ALKAL1: variants seen among roughly 807,000 people sequenced by gnomAD.
ALKAL1 encodes the protein AUG-beta.
Under a neutral mutation model 13.5 loss-of-function variants are expected in ALKAL1, and 23 were observed. The ratio of observed to expected loss-of-function variants is 1.70; its 90% CI spans 1.23 to 2.41. ALKAL1 has a LOEUF of 2.41. ALKAL1 is among the 30% of genes most tolerant of loss of function. ALKAL1 has a pLI of 0.00. For missense variants in ALKAL1, 181 were observed against 178.4 expected, an observed-to-expected ratio of 1.01 and a Z score of -0.08; for synonymous variants, 85 against 77.7, an observed-to-expected ratio of 1.09 and a Z score of -0.49.
In ALKAL1 at chr8:52,565,080, G is replaced by A; in HGVS notation, c.177C>T (p.Gly59=). The A allele has an allele frequency of 1.4e-6, 2 of 1,405,344 alleles. No individual in the cohort carries two copies. The highest frequency in any genetic ancestry group is 1.9e-6 in the Non-Finnish European group (2 of 1,077,294). 87.1% of individuals were successfully genotyped at this position (1,405,344 alleles called of 1,614,324 possible). ...PAAGAGRTPS[G]SRSAEIFPRD... is the part of the protein sequence containing the mutation. ...GGGACATCGTACCTGCGCTCCGGGAGCCGCTGGGAGTCCGGCCGGCCCCGG... is the reference window on the plus strand; with the variant it reads ...GGGACATCGTACCTGCGCTCCGGGAACCGCTGGGAGTCCGGCCGGCCCCGG... The change falls in exon 1 of 5, where the codon GGC becomes GGT. Residue 59 remains glycine (G), a synonymous_variant. Transcript: ENST00000358543.
Position 52,539,878 on chromosome 8 carries a change from T to A in ALKAL1, c.278A>T (p.His93Leu), listed in dbSNP as rs762084735. ...PVTFSPECSK[H>L]FHRLYYNTRE... Reference sequence around the variant, plus strand: ...GGTATTGTAATAGAGTCGGTGGAAATGTTTGCTGCATTCTGGTGAAAATGT... The same window carrying A: ...GGTATTGTAATAGAGTCGGTGGAAAAGTTTGCTGCATTCTGGTGAAAATGT... The change falls in exon 3 of 5, where the codon CAT becomes CTT. Residue 93 changes from histidine to leucine, a missense_variant. His to Leu is a moderately conservative substitution (Grantham distance 99, BLOSUM62 -3). Transcript: ENST00000358543. 1 of 1,612,946 alleles carries A rather than the reference T, an allele frequency of 6.2e-7. No homozygotes were observed. Among genetic ancestry groups the A allele is most frequent in the Non-Finnish European group, 8.5e-7 (1 of 1,179,852 alleles).
At chr8:52,542,858 T>C (rs1320737286) in intron 1 of ALKAL1, among the ~76,000 whole-genome samples, 2 of 152,222 alleles carry the variant, frequency 1.3e-5, no homozygotes, top group Admixed American at 1.3e-4. Context: ...GTTTTATGTA[T>C]TTCACCTTCA....
chr8:52,556,443 C>A (rs1039922984), intron 1 of ALKAL1, among the ~76,000 whole-genome samples: 1 of 151,550 alleles, frequency 6.6e-6, no homozygotes, highest in Non-Finnish European at 1.5e-5. Flanking sequence ...GTCAGGAGAT[C>A]GAGACCATCC....
chr8:52,554,406 CAACA>C (rs1362600777), intron 1 of ALKAL1, among the ~76,000 whole-genome samples: 1 of 152,166 alleles, frequency 6.6e-6, no homozygotes, highest in Non-Finnish European at 1.5e-5. Context: ...TGACATTTAT[CAACA>C]AACAAAGCAA....
chr8:52,564,223 G>T (rs773417539), intron 1 of ALKAL1, among the ~76,000 whole-genome samples: 25 of 152,176 alleles, frequency 1.6e-4, no homozygotes, highest in Non-Finnish European at 2.9e-4. Context: ...CTCGCCGGCA[G>T]CTTCACCTTG....
chr8:52,541,843 T>G (rs1336143065), intron 2 of ALKAL1, among the ~76,000 whole-genome samples: 1 of 152,162 alleles, frequency 6.6e-6, no homozygotes, highest in East Asian at 1.9e-4. Context: ...AAATTTATAT[T>G]GCCCCCTCCC....
At position 52,534,285 on chromosome 8, in the gene ALKAL1, T is replaced by C. The variant is rs188761070; in HGVS notation, c.*328A>G. 33 of 206,400 alleles carry C rather than the reference T, an allele frequency of 1.6e-4. No homozygotes were observed. In the East Asian group the frequency reaches 2.3e-3, roughly 14 times the overall value. 12.8% of individuals were successfully genotyped at this position (206,400 alleles called of 1,614,324 possible). On this transcript the variant is annotated 3_prime_UTR_variant, in exon 5 of 5. Transcript: ENST00000358543. ...CAGATATAATTTACACAATTAAATG[T>C]TTAATTAGAATGTTAACCATATAAA...
At chr8:52,562,344 A>C (rs1847559153) in intron 1 of ALKAL1, among the ~76,000 whole-genome samples, 1 of 152,146 alleles carries the variant, frequency 6.6e-6, no homozygotes. Context: ...AGGAATTATG[A>C]ACTGAATTGT....
intron 1 of ALKAL1, among the ~76,000 whole-genome samples, chr8:52,561,589 A>T (rs1234785972): frequency 1.3e-5 from 2 of 152,152 alleles, no homozygotes; most frequent in Non-Finnish European, 2.9e-5. Flanking sequence ...GCACAAAAGG[A>T]CTTGAATATC....
intron 1 of ALKAL1, among the ~76,000 whole-genome samples, chr8:52,549,957 C>A (rs907072703): frequency 1.1e-4 from 16 of 152,000 alleles, no homozygotes; most frequent in African/African-American, 3.9e-4. Context: ...TAAATAAATA[C>A]ATAAAAATAC....
At chr8:52,564,171 AGGC>A (rs1321221968) in intron 1 of ALKAL1, among the ~76,000 whole-genome samples, 1 of 152,198 alleles carries the variant, frequency 6.6e-6, no homozygotes, top group East Asian at 1.9e-4. Context: ...AGCCCGGTGG[AGGC>A]CACCAAATGT....
intron 1 of ALKAL1, among the ~76,000 whole-genome samples, chr8:52,563,177 G>A (rs564150118): frequency 4.6e-5 from 7 of 152,288 alleles, no homozygotes; most frequent in African/African-American, 1.7e-4. Context: ...CAGCACTTTG[G>A]GAGGCCAAGG....
intron 1 of ALKAL1, among the ~76,000 whole-genome samples, chr8:52,546,336 A>C (rs1365846219): frequency 1.3e-5 from 2 of 152,222 alleles, no homozygotes; most frequent in East Asian, 3.9e-4. Flanking sequence ...AGAACTGAGT[A>C]GTTGTTGCAC....
At chr8:52,558,386 G>C (rs942592054) in intron 1 of ALKAL1, among the ~76,000 whole-genome samples, 2 of 150,940 alleles carry the variant, frequency 1.3e-5, no homozygotes, top group Non-Finnish European at 2.9e-5. Context: ...TCAGAATGGG[G>C]CACACTCTTC....
chr8:52,537,389 G>A (rs1260445615), intron 4 of ALKAL1, among the ~76,000 whole-genome samples: 1 of 152,108 alleles, frequency 6.6e-6, no homozygotes, highest in Non-Finnish European at 1.5e-5. Flanking sequence ...AATTAGTACA[G>A]CCATTATGAA....
intron 4 of ALKAL1, among the ~76,000 whole-genome samples, chr8:52,534,884 T>C (rs927183279): frequency 6.6e-6 from 1 of 152,212 alleles, no homozygotes; most frequent in Non-Finnish European, 1.5e-5. Context: ...TAAATATCCC[T>C]AACATTTATT....
chr8:52,554,332 A>T, intron 1 of ALKAL1, among the ~76,000 whole-genome samples: 1 of 152,264 alleles, frequency 6.6e-6, no homozygotes, highest in East Asian at 1.9e-4. Context: ...CAACCAAATG[A>T]CAATAGATTG....
rs976919422 is a variant in ALKAL1, at chr8:52,534,614, A to G, written c.*13-14T>C. 2.2e-5 allele frequency: 13 copies of G among 600,016 alleles called. No homozygotes were observed. The highest frequency in any genetic ancestry group is 1.9e-4 in the African/African-American group (10 of 52,758). The allele number at this position is 600,016 out of a possible 1,614,324, so 37.2% of individuals were successfully genotyped here. A position where few individuals can be genotyped will look rare whatever the true frequency, so the allele number is the denominator to read the frequency against. On this transcript the variant is annotated splice_polypyrimidine_tract_variant and intron_variant, in intron 4 of 4. Transcript: ENST00000358543. ...CTTAGGAAATGTCTGTGGGGGTAAA[A>G]GAAGAGCCATATCATTTATGACCTG...
intron 1 of ALKAL1, among the ~76,000 whole-genome samples, chr8:52,549,121 G>T (rs957179243): frequency 6.6e-6 from 1 of 151,982 alleles, no homozygotes; most frequent in Non-Finnish European, 1.5e-5. Flanking sequence ...CCTTTGTAAG[G>T]TACTATGGAA....
Sources: allele counts gnomAD v4.1 joint callset (sites outside exome capture counted in the v4.1 genomes callset), GRCh38; gene constraint gnomAD v4.1.1; transcripts MANE v1.5; gene names NCBI Gene and HGNC (gene_info 2026-07-23, HGNC 2026-07-21).